Variants in MAGI1 observed in about 807,000 individuals in gnomAD.
MAGI1 encodes membrane associated guanylate kinase, WW and PDZ domain containing 1, also known as membrane-associated guanylate kinase, WW and PDZ domain-containing protein 1.
MAGI1 carries 58 observed loss-of-function variants against 139.9 expected under a neutral mutation model. That is an observed-to-expected ratio of 0.41 (90% CI 0.34 to 0.52). MAGI1 has a LOEUF of 0.52. Among genes scored for constraint, MAGI1 ranks in the 20% least tolerant of loss-of-function variants. The pLI, the probability that MAGI1 is intolerant of heterozygous loss-of-function variation, is 0.12. For synonymous variants in MAGI1, 812 were observed against 737.9 expected (o/e 1.10, Z -1.63); for missense variants, 1,874 against 1,901.6 (o/e 0.99, Z 0.27).
rs957952084 is a variant in MAGI1 at position 65,401,758 on chromosome 3, A to G, written c.2168-288T>C. On this transcript the variant is annotated intron_variant, in intron 12 of 22. Coordinates refer to ENST00000402939, the MANE Select transcript of MAGI1 (RefSeq NM_001033057.2). ...TTCACAGACCTCAGCGGCCTGGGAA[A>G]TTGAACACTTGGACAGAATCTCAAA... 105 of 1,417,838 alleles carry G rather than the reference A, an allele frequency of 7.4e-5. 1 individual carries two copies. The African/African-American group carries it at 1.4e-3, about 19-fold the overall frequency. 87.8% of individuals were successfully genotyped at this position (1,417,838 alleles called of 1,614,324 possible).
At chr3:65,910,855 C>CTTTTTGTTTTTTTTTTTTTT (rs2061634234) in intron 1 of MAGI1, among the ~76,000 whole-genome samples, 1 of 59,484 alleles carries the variant, frequency 1.7e-5, no homozygotes, top group Non-Finnish European at 2.7e-5. Context: ...ACATGGTGGA[C>CTTTTTGTTTTTTTTTTTTTT]TTTTTTTTTT....
chr3:66,020,799 C>T (rs2067919808), intron 1 of MAGI1, among the ~76,000 whole-genome samples: 1 of 152,166 alleles, frequency 6.6e-6, no homozygotes, highest in Admixed American at 6.5e-5. Flanking sequence ...GTTGAAATCA[C>T]TTTTCAGTCA....
rs371746914 is a variant in MAGI1, at chr3:65,375,790, T to C, written c.3151A>G (p.Lys1051Glu). Reference sequence around the variant, plus strand: ...AGGGTAACTGTGTTTCCCGCTTCCTTGATTAGGTTCACAATGTCTGAATGG... The same window carrying C: ...AGGGTAACTGTGTTTCCCGCTTCCTCGATTAGGTTCACAATGTCTGAATGG... ...KSHSDIVNLI[K>E]EAGNTVTLRI... Residue 1051 changes from lysine to glutamate, a missense_variant, in exon 18 of 23, where the codon AAG becomes GAG. Physicochemically the swap from Lys to Glu is moderately conservative, Grantham distance 56. Coordinates refer to ENST00000402939, the MANE Select transcript of MAGI1 (RefSeq NM_001033057.2). 1.9e-6 allele frequency: 3 copies of C among 1,613,920 alleles called. No individual in the cohort carries two copies. Among genetic ancestry groups the C allele is most frequent in the African/African-American group, 1.3e-5 (1 of 74,868 alleles).
chr3:66,030,462 A>G (rs916316160), intron 1 of MAGI1, among the ~76,000 whole-genome samples: 1 of 152,236 alleles, frequency 6.6e-6, no homozygotes, highest in African/African-American at 2.4e-5. Flanking sequence ...CTGCCATCTC[A>G]GAGCTTACAT....
chr3:65,552,962 G>A (rs1410086409), intron 2 of MAGI1, among the ~76,000 whole-genome samples: 1 of 152,116 alleles, frequency 6.6e-6, no homozygotes, highest in Non-Finnish European at 1.5e-5. Flanking sequence ...ATATCCTCCT[G>A]CAACTTGAGG....
Position 65,353,813 on chromosome 3 carries a change from A to G in MAGI1, c.*2565T>C, listed in dbSNP as rs1279637233. The G allele has an allele frequency of 6.6e-6, 1 of 152,212 alleles. No homozygotes were observed. Among genetic ancestry groups the G allele is most frequent in the Admixed American group, 6.5e-5 (1 of 15,286 alleles). The allele number at this position is 152,212 out of a possible 1,614,324, so 9.4% of individuals were successfully genotyped here. On this transcript the variant is annotated 3_prime_UTR_variant, in exon 23 of 23. Coordinates refer to ENST00000402939, the MANE Select transcript of MAGI1 (RefSeq NM_001033057.2). ...AAGAATCAGTTTCCAATTTAAGGTT[A>G]CAGCAGTTCAAAGAAAACTATATCT... is the stretch of plus-strand genomic sequence containing the variant.
chr3:65,579,971 C>T (rs1489849967), intron 2 of MAGI1, among the ~76,000 whole-genome samples: 1 of 151,832 alleles, frequency 6.6e-6, no homozygotes, highest in East Asian at 1.9e-4. Context: ...AAAATTATAA[C>T]AATTTCACAT....
intron 1 of MAGI1, among the ~76,000 whole-genome samples, chr3:65,991,280 ACT>A (rs1443103330): frequency 1.0e-5 from 1 of 98,368 alleles, no homozygotes. Context: ...AGAGCGAGAG[ACT>A]CTGTCTAAAA....
chr3:65,570,480 A>G (rs1284549967), intron 2 of MAGI1, among the ~76,000 whole-genome samples: 2 of 152,194 alleles, frequency 1.3e-5, no homozygotes, highest in African/African-American at 4.8e-5. Flanking sequence ...AAAATTATAT[A>G]TAGCTTAGAA....
chr3:65,667,738 A>AT (rs1295362751), intron 1 of MAGI1, among the ~76,000 whole-genome samples: 2 of 151,946 alleles, frequency 1.3e-5, no homozygotes, highest in African/African-American at 4.8e-5. Flanking sequence ...TAATATTTGC[A>AT]TTTTTTGTAG....
intron 1 of MAGI1, among the ~76,000 whole-genome samples, chr3:65,973,773 T>C (rs1276869745): frequency 6.6e-6 from 1 of 152,232 alleles, no homozygotes; most frequent in Non-Finnish European, 1.5e-5. Context: ...GAGTATGGCA[T>C]AGAGAAAGCA....
At chr3:65,975,116 C>A in intron 1 of MAGI1, among the ~76,000 whole-genome samples, 1 of 149,734 alleles carries the variant, frequency 6.7e-6, no homozygotes, top group Admixed American at 6.7e-5. Context: ...CAGTAAATAT[C>A]CATGAGAAAT....
At chr3:65,820,256 T>C (rs910846740) in intron 1 of MAGI1, among the ~76,000 whole-genome samples, 3 of 152,184 alleles carry the variant, frequency 2.0e-5, no homozygotes, top group African/African-American at 4.8e-5. Flanking sequence ...AATTTACCAT[T>C]ATCAGGGAGA....
chr3:65,416,057 T>C (rs1463047459), intron 12 of MAGI1, among the ~76,000 whole-genome samples: 1 of 152,194 alleles, frequency 6.6e-6, no homozygotes, highest in Non-Finnish European at 1.5e-5. Flanking sequence ...TTTTTAAATT[T>C]AGAAAAAACA....
At chr3:65,720,696 G>C (rs1314970008) in intron 1 of MAGI1, among the ~76,000 whole-genome samples, 1 of 151,956 alleles carries the variant, frequency 6.6e-6, no homozygotes, top group African/African-American at 2.4e-5. Context: ...AGATCTCTCA[G>C]GCCTTCGCTC....
At chr3:65,981,491 A>C (rs1332305188) in intron 1 of MAGI1, among the ~76,000 whole-genome samples, 1 of 152,186 alleles carries the variant, frequency 6.6e-6, no homozygotes, top group African/African-American at 2.4e-5. Flanking sequence ...ATCATCTGTA[A>C]AATTGAGATA....
chr3:65,961,940 G>A (rs376797175), intron 1 of MAGI1, among the ~76,000 whole-genome samples: 1 of 152,138 alleles, frequency 6.6e-6, no homozygotes, highest in African/African-American at 2.4e-5. Context: ...GGAGCCACCT[G>A]AGCAAATCAG....
At chr3:65,452,126 TAAAACAAA>T (rs1949067861) in intron 6 of MAGI1, among the ~76,000 whole-genome samples, 3 of 902 alleles carry the variant, frequency 3.3e-3, no homozygotes, top group African/African-American at 4.5e-3. Context: ...GCAACCAAGA[TAAAACAAA>T]GCAACCAAGA....
chr3:65,447,599 T>C (rs1448780284), intron 7 of MAGI1, among the ~76,000 whole-genome samples: 3 of 152,220 alleles, frequency 2.0e-5, no homozygotes, highest in Non-Finnish European at 2.9e-5. Flanking sequence ...CTAGTCTTAA[T>C]TGATTTTTGT....
Sources: allele counts gnomAD v4.1 joint callset (sites outside exome capture counted in the v4.1 genomes callset), GRCh38; gene constraint gnomAD v4.1.1; transcripts MANE v1.5; gene names NCBI Gene and HGNC (gene_info 2026-07-23, HGNC 2026-07-21).